The following UGT1A3 variants were observed in gnomAD, a reference collection of about 807,000 sequenced individuals.
The protein encoded by UGT1A3 is UDP-glucuronosyltransferase 1A3.
Under a neutral mutation model 41.0 loss-of-function variants are expected in UGT1A3, and 31 were observed. That is an observed-to-expected ratio of 0.76 (90% CI 0.57 to 1.02). The LOEUF (loss-of-function observed/expected upper bound fraction) is 1.02, where lower values mean the gene tolerates loss of function less well. UGT1A3 is among the 50% of genes least tolerant of loss of function. The pLI is 0.00. For synonymous variants in UGT1A3, 262 were observed against 257.6 expected, an observed-to-expected ratio of 1.02 and a Z score of -0.17; for missense variants, 737 against 671.0, an observed-to-expected ratio of 1.10 and a Z score of -1.09.
chr2:233,758,136 T>C (rs1239060049), intron 1 of UGT1A3, among the ~76,000 whole-genome samples: 2 of 152,212 alleles, frequency 1.3e-5, no homozygotes, highest in Non-Finnish European at 2.9e-5. Context: ...ATTTGGCAGA[T>C]GAGGGAATTA....
chr2:233,737,046 A>C (rs1237112865), intron 1 of UGT1A3, among the ~76,000 whole-genome samples: 1 of 152,204 alleles, frequency 6.6e-6, no homozygotes, highest in Non-Finnish European at 1.5e-5. Context: ...CAAATGCCAT[A>C]CTAGGAGAAC....
chr2:233,766,296 C>G (rs1251598094), intron 1 of UGT1A3, among the ~76,000 whole-genome samples: 2 of 152,064 alleles, frequency 1.3e-5, no homozygotes, highest in Non-Finnish European at 2.9e-5. Context: ...GTGGCCTGGG[C>G]TCTCCTCCGA....
intron 1 of UGT1A3, among the ~76,000 whole-genome samples, chr2:233,745,990 G>A (rs1261244723): frequency 3.3e-5 from 5 of 151,696 alleles, no homozygotes; most frequent in African/African-American, 1.2e-4. Context: ...TGACAGCTGG[G>A]TCTGAGAGAC....
chr2:233,751,650 C>G (rs1180947781), intron 1 of UGT1A3, among the ~76,000 whole-genome samples: 1 of 152,190 alleles, frequency 6.6e-6, no homozygotes, highest in African/African-American at 2.4e-5. Context: ...TTGCTGTTCT[C>G]ATCCTACTGA....
Position 233,772,789 on chromosome 2 carries a change from G to A in UGT1A3, c.*230G>A. ...CCCCTCTGGTGTCTTTGATCAGGAT[G>A]ACATGTGCCATTTTTCAGAGGACGT... On this transcript the variant is annotated 3_prime_UTR_variant, in exon 5 of 5. Coordinates refer to ENST00000482026, the MANE Select transcript of UGT1A3 (RefSeq NM_019093.4). 8.1e-7 allele frequency: 1 copy of A among 1,234,684 alleles called. No homozygotes were observed. Among genetic ancestry groups the A allele is most frequent in the Non-Finnish European group, 1.1e-6 (1 of 930,096 alleles). The allele number at this position is 1,234,684 out of a possible 1,614,324, so 76.5% of individuals were successfully genotyped here. A position where few individuals can be genotyped will look rare whatever the true frequency, so the allele number is the denominator to read the frequency against.
chr2:233,768,048 T>A, intron 3 of UGT1A3, 112 bp downstream of exon 3: 1 of 1,607,556 alleles, frequency 6.2e-7, no homozygotes, highest in Non-Finnish European at 8.5e-7. Flanking sequence ...GGCCAACATA[T>A]CCTACATTGC....
At chr2:233,743,335 G>C (rs534297671) in intron 1 of UGT1A3, 1 of 800,282 alleles carries the variant, frequency 1.2e-6, no homozygotes, top group East Asian at 6.3e-5. Flanking sequence ...AACTATTTCA[G>C]TGGAAGTCGA....
At chr2:233,734,752 T>C (rs1438884438) in intron 1 of UGT1A3, among the ~76,000 whole-genome samples, 1 of 152,248 alleles carries the variant, frequency 6.6e-6, no homozygotes, top group African/African-American at 2.4e-5. Context: ...TCTTTATTTC[T>C]GCCTTCACTT....
chr2:233,746,976 G>A (rs118160610), intron 1 of UGT1A3, among the ~76,000 whole-genome samples: 2 of 151,898 alleles, frequency 1.3e-5, no homozygotes, highest in South Asian at 2.1e-4. Flanking sequence ...TCCCCAGAGC[G>A]AGCGCAGGGT....
intron 1 of UGT1A3, among the ~76,000 whole-genome samples, chr2:233,764,762 A>G (rs1448451732): frequency 6.6e-6 from 1 of 152,160 alleles, no homozygotes; most frequent in Admixed American, 6.5e-5. Flanking sequence ...GACCCTAGGG[A>G]GGAAGGAGTT....
At chr2:233,743,140 A>C (rs1692212499) in intron 1 of UGT1A3, 1 of 356,854 alleles carries the variant, frequency 2.8e-6, no homozygotes, top group African/African-American at 2.2e-5. Flanking sequence ...ATCCTAAAAA[A>C]AGTCCGCTAT....
intron 1 of UGT1A3, chr2:233,747,494 G>A (rs1693698047): frequency 1.2e-6 from 2 of 1,608,660 alleles, no homozygotes; most frequent in Non-Finnish European, 1.7e-6. Flanking sequence ...GCCTTGTGCT[G>A]GGCCACACTC....
At chr2:233,741,628 C>T (rs1691725357) in intron 1 of UGT1A3, 1 of 151,848 alleles carries the variant, frequency 6.6e-6, no homozygotes, top group Non-Finnish European at 1.5e-5. Context: ...CCCCATGAGC[C>T]CCTGTGGGAT....
At chr2:233,758,820 C>A (rs1028156613) in intron 1 of UGT1A3, among the ~76,000 whole-genome samples, 1 of 152,084 alleles carries the variant, frequency 6.6e-6, no homozygotes, top group African/African-American at 2.4e-5. Flanking sequence ...GCAGTATATC[C>A]CCCCCAAAAA....
At chr2:233,762,238 A>G (rs1231676264) in intron 1 of UGT1A3, among the ~76,000 whole-genome samples, 1 of 152,096 alleles carries the variant, frequency 6.6e-6, no homozygotes, top group East Asian at 1.9e-4. Context: ...CCTAAGGCAC[A>G]GAATAGGCAC....
intron 1 of UGT1A3, among the ~76,000 whole-genome samples, chr2:233,748,829 G>T (rs1192020175): frequency 6.6e-6 from 1 of 151,330 alleles, no homozygotes. Context: ...GTCTAGGGAG[G>T]AGATAAAACT....
chr2:233,731,634 A>G (rs547560003), intron 1 of UGT1A3, among the ~76,000 whole-genome samples: 6 of 152,300 alleles, frequency 3.9e-5, no homozygotes, highest in African/African-American at 9.6e-5. Flanking sequence ...TTATGGCTGC[A>G]TAGTATTCCA....
intron 1 of UGT1A3, among the ~76,000 whole-genome samples, chr2:233,759,599 A>ACCCCCCCCCCCCCCCCCC (rs1553620419): frequency 9.2e-6 from 1 of 108,664 alleles, no homozygotes; most frequent in African/African-American, 3.3e-5. Flanking sequence ...CCCACCCCCG[A>ACCCCCCCCCCCCCCCCCC]CCCGCCCCAC....
intron 1 of UGT1A3, among the ~76,000 whole-genome samples, chr2:233,733,638 G>T (rs913820039): frequency 6.6e-6 from 1 of 152,200 alleles, no homozygotes; most frequent in East Asian, 1.9e-4. Flanking sequence ...AACCAGCCTT[G>T]CATCCCAAGG....
Sources: gnomAD v4.1 joint callset for allele counts (sites outside exome capture counted in the v4.1 genomes callset) on GRCh38, gnomAD v4.1.1 for gene constraint, MANE v1.5 for transcripts, NCBI Gene and HGNC (gene_info 2026-07-23, HGNC 2026-07-21) for gene names.